LLGL2: variants seen among roughly 807,000 people sequenced by gnomAD.
LLGL2 encodes the protein LLGL scribble cell polarity complex component 2, also known as LLGL2, scribble cell polarity complex component.
Under a neutral mutation model 123.2 loss-of-function variants are expected in LLGL2, and 81 were observed. The observed-to-expected ratio is 0.66, with a 90% CI of 0.55 to 0.79. The LOEUF (loss-of-function observed/expected upper bound fraction) is 0.79, where lower values mean the gene tolerates loss of function less well. LLGL2 is among the 30% of genes least tolerant of loss of function. The pLI is 0.00. For synonymous variants in LLGL2, 577 were observed against 594.1 expected, an observed-to-expected ratio of 0.97 and a Z score of 0.42; for missense variants, 1,273 against 1,414.6, an observed-to-expected ratio of 0.90 and a Z score of 1.61.
Position 75,570,150 on chromosome 17 carries a change from T to C in LLGL2, c.1769T>C (p.Val590Ala). ...FVLVQCQPPA[V>A]VTSLALHSEW... ...TTGGTGCAGTGTCAGCCCCCGGCTGTGGTCACCTCCTTGGCCCTGCACTCT... is the reference window on the plus strand; with the variant it reads ...TTGGTGCAGTGTCAGCCCCCGGCTGCGGTCACCTCCTTGGCCCTGCACTCT... The change falls in exon 15 of 26, where the codon GTG becomes GCG. Residue 590 changes from valine (V) to alanine (A), a missense_variant. Coordinates refer to ENST00000392550, the MANE Select transcript of LLGL2 (RefSeq NM_001031803.2). 1 of 1,591,902 alleles carries C rather than the reference T, an allele frequency of 6.3e-7. No homozygotes were observed. Among genetic ancestry groups the C allele is most frequent in the Non-Finnish European group, 8.5e-7 (1 of 1,169,932 alleles).
Position 75,573,142 on chromosome 17 carries a change from C to G in LLGL2, c.2589C>G (p.His863Gln), listed in dbSNP as rs1233935426. 14 of 1,613,146 alleles carry G rather than the reference C, an allele frequency of 8.7e-6. No homozygotes were observed. The highest frequency in any genetic ancestry group is 1.2e-5 in the Non-Finnish European group (14 of 1,179,992). The change falls in exon 20 of 26, where the codon CAC (histidine) becomes CAG (glutamine). Residue 863 changes from histidine to glutamine, a missense_variant. By Grantham distance (24) the His-to-Gln change is conservative. Transcript: ENST00000392550. ...SRRAEDYGEH[H>Q]LAVLTNLGDI... ...GAGCCGAGGACTACGGGGAGCACCA[C>G]CTGGCAGTCCTTACCAACCTGGGCG...
Position 75,570,499 on chromosome 17 carries a change from G to A in LLGL2, c.2025+1G>A. The A allele has an allele frequency of 1.9e-6, 3 of 1,569,578 alleles. No homozygotes were observed. The highest frequency in any genetic ancestry group is 1.7e-6 in the Non-Finnish European group (2 of 1,158,548). ...GCACCCGGCTGGCCCCCCAGGAGAG[G>A]TGAGGCCTGAGGTGAGGCTGCGGCC... On this transcript the variant is annotated splice_donor_variant, in intron 16 of 25. Transcript: ENST00000392550. LOFTEE classifies it high-confidence loss of function.
intron 3 of LLGL2, among the ~76,000 whole-genome samples, chr17:75,557,284 G>A (rs2054958030): frequency 6.6e-6 from 1 of 152,116 alleles, no homozygotes; most frequent in Admixed American, 6.5e-5. Flanking sequence ...AGGAGAGCAG[G>A]GCTCGGCAGC....
intron 19 of LLGL2, 140 bp from the exon 20 acceptor site, chr17:75,572,874 A>G: frequency 3.0e-6 from 3 of 1,011,384 alleles, no homozygotes; most frequent in Non-Finnish European, 4.3e-6. Flanking sequence ...GCATCCTCCC[A>G]GGCCATGTCT....
chr17:75,551,854 T>C (rs2147292370), intron 2 of LLGL2, among the ~76,000 whole-genome samples: 1 of 152,318 alleles, frequency 6.6e-6, no homozygotes, highest in Admixed American at 6.5e-5. Context: ...TCTGGCTGGG[T>C]GCGGTGGCTC....
In LLGL2 at chr17:75,571,134, G is replaced by T. The variant is rs115113002; in HGVS notation, c.2176+34G>T. The T allele has an allele frequency of 1.3e-3, 1,596 of 1,261,334 alleles. 8 individuals carry two copies. The highest frequency in any genetic ancestry group is 0.012 in the African/African-American group (832 of 67,748). 78.1% of individuals were successfully genotyped at this position (1,261,334 alleles called of 1,614,324 possible). On this transcript the variant is annotated intron_variant, in intron 17 of 25. Coordinates refer to ENST00000392550, the MANE Select transcript of LLGL2 (RefSeq NM_001031803.2). Reference sequence around the variant, plus strand: ...CCAGCCTGGGGTTGGGGGGCAGGGGGTAGTGGGCAGCAGACACCCCCTGAC... The same window carrying T: ...CCAGCCTGGGGTTGGGGGGCAGGGGTTAGTGGGCAGCAGACACCCCCTGAC...
At chr17:75,536,637 C>T (rs1299375582) in intron 1 of LLGL2, among the ~76,000 whole-genome samples, 3 of 152,180 alleles carry the variant, frequency 2.0e-5, no homozygotes, top group Non-Finnish European at 4.4e-5. Flanking sequence ...CTTTCCTTCT[C>T]TCTTTGATCC....
chr17:75,542,501 T>C (rs1448233635), intron 1 of LLGL2: 2 of 152,310 alleles, frequency 1.3e-5, no homozygotes, highest in African/African-American at 4.8e-5. Flanking sequence ...AGCCAGAAGC[T>C]GGAGCACAGA....
At position 75,537,213 on chromosome 17, in the gene LLGL2, G is replaced by A. The variant is rs117707230; in HGVS notation, c.-30-6184G>A. Among the ~76,000 whole-genome samples the A allele has an allele frequency of 6.6e-4, 101 of 152,272 alleles. No homozygotes were observed. The East Asian group carries it at 0.011, about 17-fold the overall frequency. On this transcript the variant is annotated intron_variant, in intron 1 of 25. Transcript: ENST00000392550. ...GTTGTGGGCCATTTAGGTTGCTTCT[G>A]ATTTTTTCTGACAGCTTAATAAACA...
chr17:75,572,899 C>T (rs1474261797), intron 19 of LLGL2, 115 bp from the exon 20 acceptor site: 2 of 1,290,632 alleles, frequency 1.5e-6, no homozygotes, highest in African/African-American at 1.5e-5. Flanking sequence ...ATCTGAGAGC[C>T]AAGGGTTTGT....
intron 1 of LLGL2, among the ~76,000 whole-genome samples, chr17:75,535,106 A>G (rs1471307689): frequency 6.6e-6 from 1 of 152,178 alleles, no homozygotes; most frequent in Non-Finnish European, 1.5e-5. Context: ...GGCACTTGCA[A>G]AGCGGCTACA....
At chr17:75,560,309 A>G (rs1001812088) in intron 6 of LLGL2, among the ~76,000 whole-genome samples, 10 of 152,196 alleles carry the variant, frequency 6.6e-5, no homozygotes. Context: ...TTGCAGGATG[A>G]CAGGTACCAC....
At chr17:75,565,728 C>T (rs74477521) in intron 10 of LLGL2, among the ~76,000 whole-genome samples, 12,597 of 152,244 alleles carry the variant, frequency 0.083, 496 homozygotes, top group Middle Eastern at 0.2. Flanking sequence ...CCCAACTCCC[C>T]GCAGTCCCGC....
At chr17:75,548,139 T>C in intron 2 of LLGL2, among the ~76,000 whole-genome samples, 1 of 152,126 alleles carries the variant, frequency 6.6e-6, no homozygotes, top group Non-Finnish European at 1.5e-5. Flanking sequence ...ATGCAAATAT[T>C]CCGAAACCCA....
chr17:75,574,916 A>G lies in LLGL2; in HGVS notation c.*38A>G. On this transcript the variant is annotated 3_prime_UTR_variant, in exon 26 of 26. Coordinates refer to ENST00000392550, the MANE Select transcript of LLGL2 (RefSeq NM_001031803.2). ...CCAGGCTGCGCGATGAGCACACACTACTACTGATGGCCTTTCGGGGGTCCC... is the reference window on the plus strand; with the variant it reads ...CCAGGCTGCGCGATGAGCACACACTGCTACTGATGGCCTTTCGGGGGTCCC... 1 of 1,613,816 alleles carries G rather than the reference A, an allele frequency of 6.2e-7. No individual in the cohort carries two copies. Among genetic ancestry groups the G allele is most frequent in the Non-Finnish European group, 8.5e-7 (1 of 1,179,906 alleles).
intron 1 of LLGL2, among the ~76,000 whole-genome samples, chr17:75,533,993 T>G (rs546822875): frequency 6.6e-6 from 1 of 152,244 alleles, no homozygotes; most frequent in South Asian, 2.1e-4. Flanking sequence ...TCTGGAAGCT[T>G]CTTGGGACAG....
intron 14 of LLGL2, among the ~76,000 whole-genome samples, chr17:75,569,624 G>A (rs2055604249): frequency 1.3e-5 from 2 of 152,090 alleles, no homozygotes; most frequent in Admixed American, 1.3e-4. Context: ...CCAACATGGT[G>A]AAACCCCATC....
Position 75,575,148 on chromosome 17 carries a change from A to G in LLGL2, c.*270A>G. 1.7e-6 allele frequency: 1 copy of G among 577,500 alleles called. No homozygotes were observed. Among genetic ancestry groups the G allele is most frequent in the Admixed American group, 3.1e-5 (1 of 32,538 alleles). 35.8% of individuals were successfully genotyped at this position (577,500 alleles called of 1,614,324 possible). A position where few individuals can be genotyped will look rare whatever the true frequency, so the allele number is the denominator to read the frequency against. On this transcript the variant is annotated 3_prime_UTR_variant, in exon 26 of 26. Coordinates refer to ENST00000392550, the MANE Select transcript of LLGL2 (RefSeq NM_001031803.2). The stretch of plus-strand genomic sequence containing the variant: ...CCTTTTTGTAGTGGGCTGGGTTTTA[A>G]GTTATAAATGTTAACTGCCTCTGGG...
At chr17:75,572,946 A>C (rs2055792651) in intron 19 of LLGL2, 68 bp from the exon 20 acceptor site, 5 of 1,439,722 alleles carry the variant, frequency 3.5e-6, no homozygotes. Context: ...GGGAGGGCCC[A>C]GCAGCAGCAG....
Sources: gnomAD v4.1 joint callset for allele counts (sites outside exome capture counted in the v4.1 genomes callset) on GRCh38, gnomAD v4.1.1 for gene constraint, MANE v1.5 for transcripts, NCBI Gene and HGNC (gene_info 2026-07-23, HGNC 2026-07-21) for gene names.